The following CPM variants were observed in gnomAD, a reference collection of about 807,000 sequenced individuals.
The protein encoded by CPM is renal carboxypeptidase.
CPM carries 35 observed loss-of-function variants against 46.4 expected under a neutral mutation model. That is an observed-to-expected ratio of 0.75 (90% CI 0.58 to 1.00). The LOEUF (loss-of-function observed/expected upper bound fraction) is 1.00. Among genes scored for constraint, CPM ranks in the 50% least tolerant of loss-of-function variants. CPM has a pLI of 0.00. For missense variants in CPM, 422 were observed against 530.4 expected (o/e 0.80, Z 2.01); for synonymous variants, 195 against 195.3 (o/e 1.00, Z 0.01).
intron 5 of CPM, chr12:68,843,917 G>A (rs1884034345): frequency 4.7e-6 from 1 of 212,384 alleles, no homozygotes; most frequent in South Asian, 1.9e-4. Flanking sequence ...AGTAGAATCT[G>A]TTTTTTTCCT....
At chr12:68,936,766 A>G (rs1888681001), upstream of CPM, among the ~76,000 whole-genome samples, 1 of 152,228 alleles carries the variant, frequency 6.6e-6, no homozygotes, top group South Asian at 2.1e-4. Flanking sequence ...ATACAAATGT[A>G]TGACTTCTGT....
chr12:68,884,694 T>C (rs1339052097), intron 3 of CPM, among the ~76,000 whole-genome samples: 1 of 152,224 alleles, frequency 6.6e-6, no homozygotes, highest in African/African-American at 2.4e-5. Context: ...CTTACTGGGA[T>C]GGCTGGGGAC....
intron 1 of CPM, among the ~76,000 whole-genome samples, chr12:68,960,846 G>A (rs1351161459): frequency 2.0e-5 from 3 of 152,134 alleles, no homozygotes; most frequent in Non-Finnish European, 4.4e-5. Flanking sequence ...GTGAATTAAC[G>A]ATTCTGCACC....
chr12:68,919,007 C>T (rs1261686042), intron 2 of CPM, among the ~76,000 whole-genome samples: 1 of 152,222 alleles, frequency 6.6e-6, no homozygotes, highest in Non-Finnish European at 1.5e-5. Flanking sequence ...AGACCACTTT[C>T]CCCTTGCTCA....
intron 2 of CPM, among the ~76,000 whole-genome samples, chr12:68,924,269 G>A (rs1189205185): frequency 1.3e-5 from 2 of 151,936 alleles, no homozygotes; most frequent in Non-Finnish European, 2.9e-5. Flanking sequence ...GGCTGAGATG[G>A]GCAGATTATG....
At chr12:68,923,106 A>C (rs984079621) in intron 2 of CPM, among the ~76,000 whole-genome samples, 1 of 146,452 alleles carries the variant, frequency 6.8e-6, no homozygotes, top group Non-Finnish European at 1.5e-5. Flanking sequence ...GATTTGACTA[A>C]ATTTGACTTA....
chr12:68,901,644 A>G (rs998012677), intron 2 of CPM, among the ~76,000 whole-genome samples: 9 of 152,240 alleles, frequency 5.9e-5, no homozygotes, highest in Non-Finnish European at 1.2e-4. Flanking sequence ...TCATTAATCT[A>G]GCAAAGGCCA....
chr12:68,935,621 A>G (rs1042874778), upstream of CPM, among the ~76,000 whole-genome samples: 10 of 150,906 alleles, frequency 6.6e-5, no homozygotes, highest in African/African-American at 2.4e-4. Context: ...ATGACATTGT[A>G]GAGTCTTTGA....
chr12:68,932,656 G>C, intron 2 of CPM, 22 bp downstream of exon 2: 1 of 1,612,050 alleles, frequency 6.2e-7, no homozygotes. Context: ...GTTTGGCAAA[G>C]TGTTCACGAG....
At chr12:68,913,983 G>C in intron 2 of CPM, 1 of 720,436 alleles carries the variant, frequency 1.4e-6, no homozygotes, top group Non-Finnish European at 2.6e-6. Context: ...CAGCTACACA[G>C]ATATTATTAT....
chr12:68,956,225 C>T (rs550198729), intron 1 of CPM, among the ~76,000 whole-genome samples: 2 of 152,322 alleles, frequency 1.3e-5, no homozygotes, highest in South Asian at 2.1e-4. Context: ...GCTCCAAAAT[C>T]GGAGCAGGTG....
At chr12:68,941,089 T>C (rs550851439) in intron 1 of CPM, among the ~76,000 whole-genome samples, 1 of 152,260 alleles carries the variant, frequency 6.6e-6, no homozygotes, top group South Asian at 2.1e-4. Context: ...TATTTGTCTT[T>C]TTGTGACTGG....
intron 2 of CPM, among the ~76,000 whole-genome samples, chr12:68,891,809 T>C (rs1236779726): frequency 6.6e-6 from 1 of 152,102 alleles, no homozygotes; most frequent in Non-Finnish European, 1.5e-5. Flanking sequence ...TAATCGCGGC[T>C]CACTGCAGCC....
chr12:68,927,546 T>C (rs1340346361), intron 2 of CPM, among the ~76,000 whole-genome samples: 1 of 152,144 alleles, frequency 6.6e-6, no homozygotes, highest in African/African-American at 2.4e-5. Context: ...TTTCTTTTGC[T>C]GTGCAGAAGC....
intron 5 of CPM, 110 bp from the exon 6 acceptor site, chr12:68,869,605 C>T: frequency 2.1e-6 from 2 of 971,244 alleles, no homozygotes; most frequent in South Asian, 2.0e-5. Flanking sequence ...GCTCTAATTT[C>T]CCTAGAGAGA....
Position 68,870,403 on chromosome 12 carries a change from T to C in CPM, c.432-4A>G. The C allele has an allele frequency of 6.2e-7, 1 of 1,612,308 alleles. No individual in the cohort carries two copies. Among genetic ancestry groups the C allele is most frequent in the Non-Finnish European group, 8.5e-7 (1 of 1,178,746 alleles). ...GTCATACTGGTTATAATTTTCCCTTTAAAAGAAAGAATATTTTAGGGCTTA... is the reference window on the plus strand; with the variant it reads ...GTCATACTGGTTATAATTTTCCCTTCAAAAGAAAGAATATTTTAGGGCTTA... On this transcript the variant is annotated splice_region_variant and splice_polypyrimidine_tract_variant and intron_variant, in intron 4 of 8. Transcript: ENST00000551568.
intron 2 of CPM, among the ~76,000 whole-genome samples, chr12:68,914,211 C>T (rs563643736): frequency 2.0e-5 from 3 of 152,226 alleles, no homozygotes; most frequent in Non-Finnish European, 2.9e-5. Context: ...GCTAGTGCAG[C>T]TTAAAGAGCA....
At chr12:68,868,643 AT>A (rs1198268231) in intron 6 of CPM, among the ~76,000 whole-genome samples, 1 of 151,792 alleles carries the variant, frequency 6.6e-6, no homozygotes, top group Non-Finnish European at 1.5e-5. Flanking sequence ...TGACAATCTC[AT>A]CCTGTCCCTT....
chr12:68,872,552 C>T (rs1254324327), intron 3 of CPM, among the ~76,000 whole-genome samples: 1 of 152,070 alleles, frequency 6.6e-6, no homozygotes, highest in African/African-American at 2.4e-5. Flanking sequence ...TGCGCCCGGC[C>T]GCAATAATGA....
Sources: gnomAD v4.1 joint callset for allele counts (sites outside exome capture counted in the v4.1 genomes callset) on GRCh38, gnomAD v4.1.1 for gene constraint, MANE v1.5 for transcripts, NCBI Gene and HGNC (gene_info 2026-07-23, HGNC 2026-07-21) for gene names.